The following FAM161A variants were observed in gnomAD, a reference collection of about 807,000 sequenced individuals.
The protein encoded by FAM161A is FAM161 centrosomal protein A.
In FAM161A, 57 loss-of-function variants were observed where a neutral mutation model predicts 70.9. That is an observed-to-expected ratio of 0.80 (90% CI 0.65 to 1.00). The LOEUF is 1.00. FAM161A is among the 50% of genes least tolerant of loss of function. The pLI is 0.00. For synonymous variants in FAM161A, 299 were observed against 295.7 expected (o/e 1.01, Z -0.12); for missense variants, 880 against 836.0 (o/e 1.05, Z -0.65).
the FAM161A span, among the ~76,000 whole-genome samples, chr2:61,802,060 G>A: frequency 1.3e-5 from 2 of 152,150 alleles, no homozygotes; most frequent in Admixed American, 1.3e-4. Flanking sequence ...TAAAATTCCT[G>A]ATCTATTCTC....
chr2:61,802,631 C>A, the FAM161A span, among the ~76,000 whole-genome samples: 1 of 152,094 alleles, frequency 6.6e-6, no homozygotes, highest in Admixed American at 6.6e-5. Context: ...GTTGTATTTG[C>A]AAATTATGGA....
chr2:61,807,177 G>T, the FAM161A span, among the ~76,000 whole-genome samples: 1 of 151,968 alleles, frequency 6.6e-6, no homozygotes. Context: ...TGAAGCATCA[G>T]ATGTCCTGAA....
chr2:61,846,524 A>C (rs944077647), intron 1 of FAM161A, among the ~76,000 whole-genome samples: 11 of 152,210 alleles, frequency 7.2e-5, no homozygotes, highest in Admixed American at 5.9e-4. Flanking sequence ...CGCACTTAGC[A>C]ATGTGATGTG....
the FAM161A span, among the ~76,000 whole-genome samples, chr2:61,807,665 G>A: frequency 2.9e-5 from 4 of 136,550 alleles, no homozygotes; most frequent in Non-Finnish European, 4.6e-5. Context: ...GTTGAGACAA[G>A]GTCTTGCCCT....
chr2:61,842,432 A>G, intron 1 of FAM161A, 72 bp from the exon 2 acceptor site: 1 of 926,586 alleles, frequency 1.1e-6, no homozygotes, highest in Non-Finnish European at 1.7e-6. Flanking sequence ...CTGATCCAAA[A>G]TGCTGCTTCT....
chr2:61,849,056 T>G (rs1255154310), intron 1 of FAM161A, among the ~76,000 whole-genome samples: 2 of 1,582 alleles, frequency 1.3e-3, no homozygotes, highest in Non-Finnish European at 1.8e-3. Flanking sequence ...TTATATATAT[T>G]TATATATATA....
chr2:61,800,994 C>T, the FAM161A span, among the ~76,000 whole-genome samples: 1 of 151,586 alleles, frequency 6.6e-6, no homozygotes, highest in Non-Finnish European at 1.5e-5. Context: ...GAGGTTTCAC[C>T]ATGTTGGCCA....
rs1478713642 is a variant in FAM161A, at chr2:61,840,139, C to T, written c.865G>A (p.Ala289Thr). Residue 289 changes from alanine to threonine, a missense_variant, in exon 3 of 7, where the codon GCA (alanine) becomes ACA (threonine). Transcript: ENST00000404929. ...TGGTAAAGGGGGAGAAAGACAGATG[C>T]AGGAACTGGATTGGCTCGGAATTTC... ...KKKFRANPVP[A>T]SVFLPLYHDL... The T allele has an allele frequency of 5.0e-6, 8 of 1,614,136 alleles. No homozygotes were observed. The highest frequency in any genetic ancestry group is 1.7e-5 in the Admixed American group (1 of 60,012).
chr2:61,815,535 C>CT, the FAM161A span, among the ~76,000 whole-genome samples: 2,646 of 53,206 alleles, frequency 0.05, 539 homozygotes, highest in African/African-American at 0.089. Flanking sequence ...AAAGATGTGT[C>CT]TTTTTTTTTT....
the FAM161A span, among the ~76,000 whole-genome samples, chr2:61,808,549 G>A: frequency 1.3e-5 from 2 of 152,190 alleles, no homozygotes; most frequent in Non-Finnish European, 2.9e-5. Flanking sequence ...TGGGATTACA[G>A]GCATGAGCCA....
chr2:61,825,718 A>G lies in FAM161A; in HGVS notation c.*737T>C. ...AGTGGCGCGATCTCGGCTCACTGCA[A>G]GCTCTGCCTCCTGGGTTCATGCCAT... is the stretch of plus-strand genomic sequence containing the variant. On this transcript the variant is annotated 3_prime_UTR_variant, in exon 7 of 7. Coordinates refer to ENST00000404929, the MANE Select transcript of FAM161A (RefSeq NM_001201543.2). 2 of 415,336 alleles carry G rather than the reference A, an allele frequency of 4.8e-6. No homozygotes were observed. Among genetic ancestry groups the G allele is most frequent in the South Asian group, 3.6e-5 (2 of 56,082 alleles). The allele number at this position is 415,336 out of a possible 1,614,324, so 25.7% of individuals were successfully genotyped here. A position where few individuals can be genotyped will look rare whatever the true frequency, so the allele number is the denominator to read the frequency against.
At chr2:61,844,833 T>C in intron 1 of FAM161A, among the ~76,000 whole-genome samples, 1 of 152,180 alleles carries the variant, frequency 6.6e-6, no homozygotes, top group South Asian at 2.1e-4. Flanking sequence ...ACAAGCTACT[T>C]CCAGCTAAGC....
intron 1 of FAM161A, among the ~76,000 whole-genome samples, chr2:61,851,288 T>C (rs1382199162): frequency 6.6e-6 from 1 of 152,220 alleles, no homozygotes; most frequent in Non-Finnish European, 1.5e-5. Context: ...TCAATATTTG[T>C]TGAAAAGATA....
intron 5 of FAM161A, among the ~76,000 whole-genome samples, chr2:61,834,544 C>A (rs547360978): frequency 6.6e-6 from 1 of 151,798 alleles, no homozygotes; most frequent in South Asian, 2.1e-4. Context: ...CTCACTACAA[C>A]CTCCGCCTCC....
chr2:61,801,476 G>A, the FAM161A span, among the ~76,000 whole-genome samples: 2 of 147,806 alleles, frequency 1.4e-5, no homozygotes, highest in African/African-American at 2.5e-5. Context: ...CAGCCTGAGC[G>A]ACAGGGAGAG....
At position 61,826,543 on chromosome 2, in the gene FAM161A, A is replaced by G. The variant is rs766206495; in HGVS notation, c.2063T>C (p.Ile688Thr). ...GTAAGAATCCTGGCTGTTGGTATCA[A>G]TAAAATAATTTTCTTCCCCATTCTC... The part of the protein sequence containing the change: ...ERENGEENYF[I>T]DTNSQDSYKE... Residue 688 changes from isoleucine to threonine, a missense_variant, in exon 7 of 7, where the codon ATT (isoleucine) becomes ACT (threonine). Ile to Thr is a moderately conservative substitution (Grantham distance 89). Transcript: ENST00000404929. The G allele has an allele frequency of 1.9e-6, 3 of 1,602,576 alleles. No homozygotes were observed. The highest frequency in any genetic ancestry group is 2.6e-6 in the Non-Finnish European group (3 of 1,172,474).
chr2:61,852,335 A>G (rs1296417019), intron 1 of FAM161A, among the ~76,000 whole-genome samples: 3 of 152,234 alleles, frequency 2.0e-5, no homozygotes, highest in African/African-American at 7.2e-5. Context: ...TACCACAGCA[A>G]GCCAAAGTTG....
intron 1 of FAM161A, 112 bp downstream of exon 1, chr2:61,853,747 G>T: frequency 8.3e-7 from 1 of 1,198,542 alleles, no homozygotes. Context: ...GGGACTATGT[G>T]CACAGGGACC....
At chr2:61,803,226 C>G in the FAM161A span, 1 of 595,954 alleles carries the variant, frequency 1.7e-6, no homozygotes, top group Non-Finnish European at 3.2e-6. Flanking sequence ...TGTATAAGAC[C>G]ACACTGGATG....
Sources: allele counts gnomAD v4.1 joint callset (sites outside exome capture counted in the v4.1 genomes callset), GRCh38; gene constraint gnomAD v4.1.1; transcripts MANE v1.5; gene names NCBI Gene and HGNC (gene_info 2026-07-23, HGNC 2026-07-21).